TULP4: variants seen among roughly 807,000 people sequenced by gnomAD.
TULP4 encodes tubby-related protein 4.
Under a neutral mutation model 129.0 loss-of-function variants are expected in TULP4, and 16 were observed. That is an observed-to-expected ratio of 0.12 (90% CI 0.08 to 0.19). TULP4 has a LOEUF of 0.19. TULP4 is among the 10% of genes least tolerant of loss of function. The pLI, the probability that TULP4 is intolerant of heterozygous loss-of-function variation, is 1.00. For missense variants in TULP4, 1,842 were observed against 2,059.1 expected (o/e 0.89, Z 2.04); for synonymous variants, 998 against 854.0 (o/e 1.17, Z -2.94).
chr6:158,476,026 T>C (rs1455718076), intron 6 of TULP4, among the ~76,000 whole-genome samples: 1 of 152,122 alleles, frequency 6.6e-6, no homozygotes, highest in Non-Finnish European at 1.5e-5. Flanking sequence ...GTCATTCATT[T>C]CCCCAGGTCA....
In TULP4 at chr6:158,313,947, T is replaced by C. The variant is rs930743168; in HGVS notation, c.-70T>C. 1 of 1,558,498 alleles carries C rather than the reference T, an allele frequency of 6.4e-7. No individual in the cohort carries two copies. The highest frequency in any genetic ancestry group is 1.2e-5 in the South Asian group (1 of 83,518). ...CCAACCACAAAAACACATATACCAA[T>C]GAAAGAAATTGGTTTAAATTTCACA... On this transcript the variant is annotated 5_prime_UTR_variant, in exon 1 of 14. It removes an upstream start codon present in the reference 5' UTR. Transcript: ENST00000367097.
chr6:158,304,673 A>ATT (rs11388128), intron 1 of TULP4, among the ~76,000 whole-genome samples: 1,863 of 147,966 alleles, frequency 0.013, 40 homozygotes, highest in African/African-American at 0.041. Context: ...ATTTTACCTT[A>ATT]TTTTTTTTTT....
chr6:158,248,898 T>G (rs1346056619), intron 1 of TULP4, among the ~76,000 whole-genome samples: 2 of 151,992 alleles, frequency 1.3e-5, no homozygotes, highest in African/African-American at 4.8e-5. Flanking sequence ...GGTGGAAGGA[T>G]TGCTTGAGCC....
At chr6:158,506,535 C>A in intron 13 of TULP4, 43 bp from the exon 14 acceptor site, 1 of 1,390,724 alleles carries the variant, frequency 7.2e-7, no homozygotes, top group Non-Finnish European at 1.0e-6. Flanking sequence ...CTGGCCTTTT[C>A]ACCTTATTCT....
At chr6:158,346,714 C>T (rs1276083500) in intron 1 of TULP4, among the ~76,000 whole-genome samples, 7 of 152,162 alleles carry the variant, frequency 4.6e-5, no homozygotes, top group Admixed American at 1.3e-4. Flanking sequence ...TGATTTAAGA[C>T]TGGTGTAGAT....
At chr6:158,252,842 T>G (rs772939422) in intron 1 of TULP4, among the ~76,000 whole-genome samples, 1 of 152,224 alleles carries the variant, frequency 6.6e-6, no homozygotes, top group Admixed American at 6.5e-5. Context: ...ACTAATGTAC[T>G]TTTTCCAGGT....
intron 1 of TULP4, among the ~76,000 whole-genome samples, chr6:158,314,525 G>A (rs910594601): frequency 6.6e-6 from 1 of 152,186 alleles, no homozygotes. Flanking sequence ...TCTCTTAGAG[G>A]GTCCGGGCAG....
In TULP4 at chr6:158,504,001, G is replaced by C; in HGVS notation, c.4338G>C (p.Lys1446Asn). Residue 1446 changes from lysine to asparagine, a missense_variant, in exon 13 of 14, where the codon AAG (lysine) becomes AAC (asparagine). Physicochemically the swap from Lys to Asn is moderately conservative, Grantham distance 94. Around this residue, in one of 5 missense-constraint regions of TULP4, gnomAD observed 1,089 missense variants for 987.1 expected, o/e 1.10. Coordinates refer to ENST00000367097, the MANE Select transcript of TULP4 (RefSeq NM_020245.5). ...PRAAGELEEA[K>N]CRRASEKEDG... ...CCGCCGGCGAGCTGGAGGAGGCCAA[G>C]TGCCGGCGGGCCAGTGAGAAGGAGG... 1 of 1,612,732 alleles carries C rather than the reference G, an allele frequency of 6.2e-7. No homozygotes were observed. Among genetic ancestry groups the C allele is most frequent in the Non-Finnish European group, 8.5e-7 (1 of 1,179,452 alleles).
chr6:158,239,724 C>T (rs1777817520), intron 1 of TULP4, among the ~76,000 whole-genome samples: 2 of 69,522 alleles, frequency 2.9e-5, no homozygotes, highest in African/African-American at 9.3e-5. Flanking sequence ...CGGGCAGAGG[C>T]GCCCCTCACC....
chr6:158,401,883 T>A (rs1777860162), intron 1 of TULP4, among the ~76,000 whole-genome samples: 1 of 152,164 alleles, frequency 6.6e-6, no homozygotes, highest in African/African-American at 2.4e-5. Context: ...TGTAAGAGTG[T>A]TTCCATCTGT....
chr6:158,480,623 T>C (rs1287198926), intron 7 of TULP4, among the ~76,000 whole-genome samples: 1 of 152,270 alleles, frequency 6.6e-6, no homozygotes, highest in Non-Finnish European at 1.5e-5. Context: ...GTCTCTCTTC[T>C]TCTGAGTAGC....
intron 1 of TULP4, among the ~76,000 whole-genome samples, chr6:158,317,241 T>C (rs1010113226): frequency 2.0e-5 from 3 of 152,130 alleles, no homozygotes; most frequent in Non-Finnish European, 2.9e-5. Context: ...TAGGTATACA[T>C]GTGCCGTGTT....
At chr6:158,458,396 A>G (rs927509314) in intron 5 of TULP4, among the ~76,000 whole-genome samples, 3 of 152,160 alleles carry the variant, frequency 2.0e-5, no homozygotes, top group Non-Finnish European at 2.9e-5. Context: ...TTGAGAAGAA[A>G]CATAGATGCT....
intron 1 of TULP4, among the ~76,000 whole-genome samples, chr6:158,288,515 T>C (rs1462463516): frequency 1.3e-5 from 2 of 152,094 alleles, no homozygotes; most frequent in Non-Finnish European, 2.9e-5. Context: ...AATTTTTTTT[T>C]TTTAAGAAGG....
rs1248721953 is a variant in TULP4 at position 158,502,229 on chromosome 6, C to T, written c.2566C>T (p.Pro856Ser). 1 of 1,556,764 alleles carries T rather than the reference C, an allele frequency of 6.4e-7. No homozygotes were observed. Among genetic ancestry groups the T allele is most frequent in the South Asian group, 1.2e-5 (1 of 86,174 alleles). Residue 856 changes from proline (P) to serine (S), a missense_variant, in exon 13 of 14, where the codon CCC (proline) becomes TCC (serine). Coordinates refer to ENST00000367097, the MANE Select transcript of TULP4 (RefSeq NM_020245.5). Reference protein sequence around the residue: ...TTAAPPPPLPPPQPPVDVCLK... With the variant: ...TTAAPPPPLPSPQPPVDVCLK... ...AGCAGCACCCCCGCCCCCTCTGCCG[C>T]CCCCACAGCCCCCAGTGGATGTGTG... is the stretch of plus-strand genomic sequence containing the variant.
intron 1 of TULP4, among the ~76,000 whole-genome samples, chr6:158,360,411 G>T (rs189603822): frequency 1.1e-3 from 161 of 152,248 alleles, no homozygotes; most frequent in African/African-American, 3.8e-3. Context: ...ACATGTCAGT[G>T]TCTGCCCAAG....
At chr6:158,331,782 C>CGT in intron 1 of TULP4, among the ~76,000 whole-genome samples, 1 of 51,658 alleles carries the variant, frequency 1.9e-5, no homozygotes, top group Non-Finnish European at 3.6e-5. Flanking sequence ...TATATATACA[C>CGT]ACACACATAC....
intron 13 of TULP4, among the ~76,000 whole-genome samples, chr6:158,505,411 G>A (rs76680531): frequency 1.3e-5 from 2 of 152,374 alleles, no homozygotes; most frequent in South Asian, 2.1e-4. Context: ...GCACAGCCAC[G>A]CTCATTCACC....
At chr6:158,427,581 C>A (rs1297355193) in intron 2 of TULP4, among the ~76,000 whole-genome samples, 1 of 144,826 alleles carries the variant, frequency 6.9e-6, no homozygotes, top group Non-Finnish European at 1.5e-5. Context: ...GCAACCTCCA[C>A]CTCCCAGGTT....
Sources: gnomAD v4.1 joint callset for allele counts (sites outside exome capture counted in the v4.1 genomes callset) on GRCh38, gnomAD v4.1.1 for gene constraint, gnomAD v4.1.1 regional missense constraint, MANE v1.5 for transcripts, NCBI Gene and HGNC (gene_info 2026-07-23, HGNC 2026-07-21) for gene names.